RC3H1: variants seen among roughly 807,000 people sequenced by gnomAD.
RC3H1 encodes roquin-1.
RC3H1 carries 50 observed loss-of-function variants against 138.2 expected under a neutral mutation model. The ratio of observed to expected loss-of-function variants is 0.36; its 90% CI spans 0.29 to 0.46. The LOEUF is 0.46. Ranked by LOEUF, RC3H1 falls within the 20% of genes least tolerant of loss-of-function variation. The pLI, the probability that RC3H1 is intolerant of heterozygous loss-of-function variation, is 1.00. For missense variants in RC3H1, 1,031 were observed against 1,388.1 expected, an observed-to-expected ratio of 0.74 and a Z score of 4.09; for synonymous variants, 462 against 489.1, an observed-to-expected ratio of 0.94 and a Z score of 0.73.
intron 2 of RC3H1, 114 bp from the exon 3 acceptor site, chr1:173,984,733 T>A: frequency 9.6e-7 from 1 of 1,037,042 alleles, no homozygotes; most frequent in Non-Finnish European, 1.4e-6. Flanking sequence ...CCCACTAAAT[T>A]TACTGAATTC....
intron 1 of RC3H1, among the ~76,000 whole-genome samples, chr1:174,010,976 T>A (rs1159868237): frequency 6.6e-6 from 1 of 152,186 alleles, no homozygotes; most frequent in African/African-American, 2.4e-5. Flanking sequence ...CATGGGGGAA[T>A]AGGTGCTACC....
At chr1:173,993,210 C>T (rs1440672234) in intron 1 of RC3H1, 75 bp from the exon 2 acceptor site, 3 of 520,754 alleles carry the variant, frequency 5.8e-6, no homozygotes, top group East Asian at 6.4e-5. Flanking sequence ...ACCACAAGTC[C>T]AGTCTTATTC....
intron 1 of RC3H1, among the ~76,000 whole-genome samples, chr1:174,004,990 G>C (rs1391460066): frequency 1.3e-5 from 2 of 152,112 alleles, no homozygotes; most frequent in East Asian, 1.9e-4. Context: ...TGATGGATTT[G>C]CTAACATATA....
intron 1 of RC3H1, among the ~76,000 whole-genome samples, chr1:174,013,713 G>A (rs1439007753): frequency 5.3e-5 from 8 of 151,862 alleles, no homozygotes; most frequent in Admixed American, 4.6e-4. Flanking sequence ...GATTACAGGC[G>A]TGAGCCACCA....
chr1:173,972,425 T>C (rs559253806), intron 8 of RC3H1, 84 bp downstream of exon 8: 1 of 852,076 alleles, frequency 1.2e-6, no homozygotes, highest in Admixed American at 2.0e-5. Context: ...GCTTTGTATC[T>C]GTAGGTATAC....
At chr1:174,008,822 C>T (rs1661698837) in intron 1 of RC3H1, among the ~76,000 whole-genome samples, 1 of 151,764 alleles carries the variant, frequency 6.6e-6, no homozygotes, top group Non-Finnish European at 1.5e-5. Context: ...ACTAAATACA[C>T]AAAAATTAGC....
At chr1:173,985,897 T>C (rs184015638) in intron 2 of RC3H1, among the ~76,000 whole-genome samples, 1 of 152,362 alleles carries the variant, frequency 6.6e-6, no homozygotes, top group Admixed American at 6.5e-5. Flanking sequence ...TGGAAGAATA[T>C]CTATTCAGAT....
intron 9 of RC3H1, among the ~76,000 whole-genome samples, chr1:173,968,534 T>C (rs1354862523): frequency 6.6e-6 from 1 of 152,208 alleles, no homozygotes; most frequent in Non-Finnish European, 1.5e-5. Context: ...GGGCAATTCA[T>C]GTTTGTGATT....
In RC3H1 at chr1:173,984,625, G is replaced by C. The variant is rs369344268; in HGVS notation, c.232-6C>G. On this transcript the variant is annotated splice_region_variant and splice_polypyrimidine_tract_variant and intron_variant, in intron 2 of 19. Transcript: ENST00000367696. ...ATAGGCTGCTGCTCAGGGACCTGGAGGCCAAAAGAAAAGATCTGTATGAGT... is the reference window on the plus strand; with the variant it reads ...ATAGGCTGCTGCTCAGGGACCTGGACGCCAAAAGAAAAGATCTGTATGAGT... 11 of 1,610,600 alleles carry C rather than the reference G, an allele frequency of 6.8e-6. No individual in the cohort carries two copies. In the African/African-American group the frequency reaches 1.5e-4, roughly 22 times the overall value.
intron 2 of RC3H1, among the ~76,000 whole-genome samples, chr1:173,986,602 G>A (rs1022362627): frequency 2.0e-5 from 3 of 151,060 alleles, no homozygotes; most frequent in Non-Finnish European, 4.4e-5. Context: ...TCACTCTGTC[G>A]CCCAGATTGG....
chr1:173,962,024 C>A lies in RC3H1; in HGVS notation c.1903G>T (p.Ala635Ser), dbSNP rs1659907409. ...GGATAATGATCCAAGTAGGGAGGAGCAGGTTCAGGAGCAGATGGTGGAGGT... is the reference window on the plus strand; with the variant it reads ...GGATAATGATCCAAGTAGGGAGGAGAAGGTTCAGGAGCAGATGGTGGAGGT... ...VRPPPSAPEP[A>S]PPYLDHYPPY... The change falls in exon 12 of 20, where the codon GCT (alanine) becomes TCT (serine). Residue 635 changes from alanine to serine, a missense_variant. This residue lies in a region of RC3H1 where 716 missense variants were observed against 837.9 expected (regional missense o/e 0.85). Transcript: ENST00000367696. 3 of 1,613,830 alleles carry A rather than the reference C, an allele frequency of 1.9e-6. No individual in the cohort carries two copies. The South Asian group carries it at 3.3e-5, about 18-fold the overall frequency.
chr1:173,990,108 C>T (rs1661212657), intron 2 of RC3H1, among the ~76,000 whole-genome samples: 3 of 149,066 alleles, frequency 2.0e-5, no homozygotes, highest in Admixed American at 2.0e-4. Flanking sequence ...TTGACAGAGT[C>T]GCTCTGTCAC....
At chr1:173,986,042 G>A (rs1299384922) in intron 2 of RC3H1, among the ~76,000 whole-genome samples, 1 of 151,974 alleles carries the variant, frequency 6.6e-6, no homozygotes, top group Non-Finnish European at 1.5e-5. Context: ...TTATTTTTGA[G>A]ACGGAGTCTC....
intron 6 of RC3H1, 57 bp downstream of exon 6, chr1:173,980,752 A>G (rs1321650447): frequency 1.5e-6 from 2 of 1,339,706 alleles, no homozygotes; most frequent in East Asian, 4.6e-5. Flanking sequence ...CATTTGTTAA[A>G]TGAATTACCA....
intron 13 of RC3H1, among the ~76,000 whole-genome samples, chr1:173,954,539 T>C (rs1181413721): frequency 6.6e-6 from 1 of 152,364 alleles, no homozygotes; most frequent in Non-Finnish European, 1.5e-5. Flanking sequence ...AATAATTTAC[T>C]ATATATTTTC....
At chr1:173,998,196 C>T (rs965768749) in intron 1 of RC3H1, among the ~76,000 whole-genome samples, 14 of 152,150 alleles carry the variant, frequency 9.2e-5, no homozygotes, top group African/African-American at 3.4e-4. Flanking sequence ...AAAGCACATG[C>T]ATTCAAGGCC....
At chr1:173,987,983 C>G (rs551809382) in intron 2 of RC3H1, among the ~76,000 whole-genome samples, 1 of 152,258 alleles carries the variant, frequency 6.6e-6, no homozygotes. Context: ...AGAATTAATT[C>G]GTACCCCCAT....
At chr1:173,939,338 G>C (rs1021574105) in intron 19 of RC3H1, among the ~76,000 whole-genome samples, 1 of 151,608 alleles carries the variant, frequency 6.6e-6, no homozygotes, top group Non-Finnish European at 1.5e-5. Context: ...AGGAGTTGGA[G>C]ATCAGCCTGG....
intron 19 of RC3H1, among the ~76,000 whole-genome samples, chr1:173,940,863 C>T (rs892247354): frequency 6.6e-6 from 1 of 151,016 alleles, no homozygotes; most frequent in African/African-American, 2.5e-5. Flanking sequence ...CACTCTGCTG[C>T]CAGGCTGGAG....
Sources: allele counts gnomAD v4.1 joint callset (sites outside exome capture counted in the v4.1 genomes callset), GRCh38; gene constraint gnomAD v4.1.1; regional missense constraint gnomAD v4.1.1; transcripts MANE v1.5; gene names NCBI Gene and HGNC (gene_info 2026-07-23, HGNC 2026-07-21).